Variants in MEF2A observed in about 807,000 individuals in gnomAD.
The protein encoded by MEF2A is myocyte-specific enhancer factor 2A.
A neutral mutation model predicts 55.8 loss-of-function variants in MEF2A; 28 were observed. The observed-to-expected ratio is 0.50, with a 90% confidence interval of 0.37 to 0.69. The LOEUF (loss-of-function observed/expected upper bound fraction) is 0.69. Among genes scored for constraint, MEF2A ranks in the 30% least tolerant of loss-of-function variants. MEF2A has a pLI of 0.00. For missense variants in MEF2A, 528 were observed against 626.2 expected, an observed-to-expected ratio of 0.84 and a Z score of 1.67; for synonymous variants, 239 against 227.1, an observed-to-expected ratio of 1.05 and a Z score of -0.47.
At chr15:99,634,563 A>C (rs2043447959) in intron 3 of MEF2A, among the ~76,000 whole-genome samples, 1 of 152,200 alleles carries the variant, frequency 6.6e-6, no homozygotes, top group African/African-American at 2.4e-5. Flanking sequence ...AGGACACATA[A>C]AATTTTCGAG....
chr15:99,687,789 T>C (rs1405828501), intron 7 of MEF2A, among the ~76,000 whole-genome samples: 2 of 152,266 alleles, frequency 1.3e-5, no homozygotes, highest in Non-Finnish European at 2.9e-5. Context: ...ATATGCCTGC[T>C]CTTGCTAACT....
Position 99,641,579 on chromosome 15 carries a change from C to T in MEF2A, c.55-3982C>T, listed in dbSNP as rs536077699. Among the ~76,000 whole-genome samples, 14 of 152,206 alleles carry T rather than the reference C, an allele frequency of 9.2e-5. No homozygotes were observed. In the East Asian group the frequency reaches 2.5e-3, roughly 27 times the overall value. The stretch of plus-strand genomic sequence containing the variant: ...CTACTAAAAAATACAAAAAATTAGC[C>T]AGGCGTGGTGGCAGGTGCCTGTAGT... On this transcript the variant is annotated intron_variant, in intron 3 of 11. Transcript: ENST00000557942.
chr15:99,703,645 T>A (rs552215541), intron 9 of MEF2A, among the ~76,000 whole-genome samples: 35 of 135,208 alleles, frequency 2.6e-4, no homozygotes, highest in African/African-American at 8.6e-4. Flanking sequence ...GAGCATAGGA[T>A]ACTTGTTAAT....
chr15:99,684,483 G>T lies in MEF2A; in HGVS notation c.671-5758G>T, dbSNP rs139802604. On this transcript the variant is annotated intron_variant, in intron 7 of 11. Transcript: ENST00000557942. ...TAATTAGTGATGTTGAGCATTTTTC[G>T]TATGTCTTTTGGCAATTTGTGTATC... Among the ~76,000 whole-genome samples, 493 of 152,250 alleles carry T rather than the reference G, an allele frequency of 3.2e-3. 4 individuals carry two copies. The highest frequency in any genetic ancestry group is 0.011 in the African/African-American group (458 of 41,550).
chr15:99,602,654 GTGT>G (rs1298536299), intron 2 of MEF2A, among the ~76,000 whole-genome samples: 9 of 10,870 alleles, frequency 8.3e-4, no homozygotes, highest in Admixed American at 1.2e-3. Context: ...CATTCCTGGG[GTGT>G]GTGTGTGTGT....
chr15:99,695,921 TAAAAG>T (rs1255355215), intron 8 of MEF2A, among the ~76,000 whole-genome samples: 1 of 148,786 alleles, frequency 6.7e-6, no homozygotes, highest in East Asian at 2.0e-4. Context: ...AAGACATAGA[TAAAAG>T]AAGGGAGAAA....
chr15:99,674,691 T>A, intron 6 of MEF2A, 79 bp downstream of exon 6: 2 of 1,202,568 alleles, frequency 1.7e-6, no homozygotes, highest in Admixed American at 3.8e-5. Context: ...CAGTTTCTTA[T>A]TTTGCTATTC....
At chr15:99,594,321 G>A (rs1428557875) in intron 1 of MEF2A, among the ~76,000 whole-genome samples, 1 of 152,136 alleles carries the variant, frequency 6.6e-6, no homozygotes, top group Non-Finnish European at 1.5e-5. Flanking sequence ...ATAGATGAAT[G>A]ACCAGATGGA....
At position 99,602,653 on chromosome 15, in the gene MEF2A, G is replaced by GTGTGT. The variant is rs1555454715; in HGVS notation, c.-143+4142_-143+4143insTGTGT. The stretch of plus-strand genomic sequence containing the variant: ...CCTGGTGGTTGCCTGACATTCCTGG[G>GTGTGT]GTGTGTGTGTGTGTGTGTGTGTGTG... On this transcript the variant is annotated intron_variant, in intron 2 of 11. Coordinates refer to ENST00000557942, the MANE Select transcript of MEF2A (RefSeq NM_001319206.4). Among the ~76,000 whole-genome samples, 17 of 44,842 alleles carry GTGTGT rather than the reference G, an allele frequency of 3.8e-4. No individual in the cohort carries two copies. The East Asian group carries it at 4.3e-3, about 11-fold the overall frequency. The allele number at this position is 44,842 out of a possible 152,430, so 29.4% of individuals were successfully genotyped here. A position where few individuals can be genotyped will look rare whatever the true frequency, so the allele number is the denominator to read the frequency against.
intron 2 of MEF2A, among the ~76,000 whole-genome samples, chr15:99,605,792 A>G (rs1974875710): frequency 6.6e-6 from 1 of 152,134 alleles, no homozygotes; most frequent in African/African-American, 2.4e-5. Flanking sequence ...GCAACACAGC[A>G]AAACCCTGTC....
intron 3 of MEF2A, among the ~76,000 whole-genome samples, chr15:99,633,599 T>C (rs1283088388): frequency 6.6e-6 from 1 of 152,218 alleles, no homozygotes; most frequent in Non-Finnish European, 1.5e-5. Context: ...TTAAATTTTC[T>C]GGTTAACCAA....
At chr15:99,624,986 A>AG (rs1283101446) in intron 2 of MEF2A, among the ~76,000 whole-genome samples, 1 of 152,280 alleles carries the variant, frequency 6.6e-6, no homozygotes, top group Non-Finnish European at 1.5e-5. Flanking sequence ...TAATTACATG[A>AG]GGTAGTCAAC....
chr15:99,681,099 A>ACT (rs1274172814), intron 7 of MEF2A, among the ~76,000 whole-genome samples: 2 of 152,224 alleles, frequency 1.3e-5, no homozygotes, highest in Non-Finnish European at 2.9e-5. Context: ...ACACTTTAAA[A>ACT]TATCAAGCAT....
intron 2 of MEF2A, among the ~76,000 whole-genome samples, chr15:99,605,120 G>A (rs905979516): frequency 6.6e-6 from 1 of 151,918 alleles, no homozygotes; most frequent in Non-Finnish European, 1.5e-5. Context: ...TATTTTTTTT[G>A]TATTTTTAGT....
intron 3 of MEF2A, among the ~76,000 whole-genome samples, chr15:99,644,131 A>C (rs746906332): frequency 1.3e-5 from 2 of 152,224 alleles, no homozygotes; most frequent in South Asian, 4.1e-4. Flanking sequence ...TGCTTTGTGC[A>C]CTTGACAAAT....
At chr15:99,601,849 GTGTGTGTGTC>G (rs757535221) in intron 2 of MEF2A, among the ~76,000 whole-genome samples, 5,024 of 48,852 alleles carry the variant, frequency 0.1, 133 homozygotes, top group Middle Eastern at 0.3. Context: ...GTGTGTGTGT[GTGTGTGTGTC>G]AGGGTAATGC....
At chr15:99,578,579 C>T (rs1185440619) in intron 1 of MEF2A, among the ~76,000 whole-genome samples, 2 of 152,206 alleles carry the variant, frequency 1.3e-5, no homozygotes, top group Non-Finnish European at 2.9e-5. Flanking sequence ...GGTACTAGGA[C>T]TGCCGCTCAT....
chr15:99,624,938 C>A (rs376430685), intron 2 of MEF2A, among the ~76,000 whole-genome samples: 1 of 152,066 alleles, frequency 6.6e-6, no homozygotes, highest in Non-Finnish European at 1.5e-5. Flanking sequence ...GTTTGACTTA[C>A]GATTTTTCGA....
At chr15:99,685,781 T>G (rs544197138) in intron 7 of MEF2A, among the ~76,000 whole-genome samples, 1 of 152,300 alleles carries the variant, frequency 6.6e-6, no homozygotes, top group African/African-American at 2.4e-5. Flanking sequence ...TTACTTTTGT[T>G]ATATCCTTTC....
Sources: gnomAD v4.1 joint callset for allele counts (sites outside exome capture counted in the v4.1 genomes callset) on GRCh38, gnomAD v4.1.1 for gene constraint, MANE v1.5 for transcripts, NCBI Gene and HGNC (gene_info 2026-07-23, HGNC 2026-07-21) for gene names.